The following PKP2 variants were observed in gnomAD, a reference collection of about 807,000 sequenced individuals.
PKP2 encodes the protein plakophilin-2.
PKP2 carries 73 observed loss-of-function variants against 83.4 expected under a neutral mutation model. That is an observed-to-expected ratio of 0.88 (90% CI 0.72 to 1.06). PKP2 has a LOEUF of 1.06. PKP2 is among the 50% of genes least tolerant of loss of function. PKP2 has a pLI of 0.00. For missense variants in PKP2, 966 were observed against 1,065.4 expected, an observed-to-expected ratio of 0.91 and a Z score of 1.30; for synonymous variants, 409 against 430.4, an observed-to-expected ratio of 0.95 and a Z score of 0.62.
At chr12:32,859,940 G>C (rs1472136594) in intron 4 of PKP2, among the ~76,000 whole-genome samples, 1 of 152,174 alleles carries the variant, frequency 6.6e-6, no homozygotes, top group Non-Finnish European at 1.5e-5. Context: ...GTGTAAATTT[G>C]TACAATTTTT....
rs756376477 is a variant in PKP2 at position 32,878,150 on chromosome 12, G to A, written c.730C>T (p.Pro244Ser). The A allele has an allele frequency of 1.2e-6, 2 of 1,614,242 alleles. No individual in the cohort carries two copies. Among genetic ancestry groups the A allele is most frequent in the East Asian group, 4.5e-5 (2 of 44,878 alleles). ...IPANPALLTY[P>S]RPGTSRSMGN... ...ATGCTGCGGCTGGTCCCTGGCCTGGGGTACGTGAGCAGGGCCGGGTTGGCA... is the reference window on the plus strand; with the variant it reads ...ATGCTGCGGCTGGTCCCTGGCCTGGAGTACGTGAGCAGGGCCGGGTTGGCA... Residue 244 changes from proline to serine, a missense_variant, in exon 3 of 13, where the codon CCC becomes TCC. By Grantham distance (74) the Pro-to-Ser change is moderately conservative (BLOSUM62 -1). Coordinates refer to ENST00000340811, the MANE Select transcript of PKP2 (RefSeq NM_001005242.3).
At chr12:32,798,476 C>T (rs1489219602) in intron 10 of PKP2, among the ~76,000 whole-genome samples, 41 of 143,110 alleles carry the variant, frequency 2.9e-4, no homozygotes, top group Admixed American at 2.8e-3. Flanking sequence ...TTGAGTTTGG[C>T]TTTTTTTTTT....
chr12:32,822,472 T>C lies in PKP2; in HGVS notation c.1834A>G (p.Lys612Glu). 1 of 1,613,896 alleles carries C rather than the reference T, an allele frequency of 6.2e-7. No individual in the cohort carries two copies. The highest frequency in any genetic ancestry group is 8.5e-7 in the Non-Finnish European group (1 of 1,179,976). ...TCAAAAACTTCCCAATATACCTCTTTTACTTTCCTGCTTCGACTGCCAAAA... is the reference window on the plus strand; with the variant it reads ...TCAAAAACTTCCCAATATACCTCTTCTACTTTCCTGCTTCGACTGCCAAAA... ...GCFGSRSRKV[K>E]EQYQDVPMPE... Residue 612 changes from lysine to glutamate, a missense_variant, in exon 8 of 13, where the codon AAA becomes GAA. Coordinates refer to ENST00000340811, the MANE Select transcript of PKP2 (RefSeq NM_001005242.3).
intron 1 of PKP2, among the ~76,000 whole-genome samples, chr12:32,887,027 T>G (rs1565602226): frequency 6.6e-6 from 1 of 151,274 alleles, no homozygotes; most frequent in Non-Finnish European, 1.5e-5. Flanking sequence ...AAGGGAACAC[T>G]ATGGTGAAAA....
chr12:32,886,683 A>C (rs1372288387), intron 1 of PKP2, among the ~76,000 whole-genome samples: 1 of 152,186 alleles, frequency 6.6e-6, no homozygotes, highest in Non-Finnish European at 1.5e-5. Context: ...AAATAAGTAG[A>C]ATTTGTTGGT....
intron 11 of PKP2, 121 bp downstream of exon 11, chr12:32,795,988 C>T: frequency 1.1e-6 from 1 of 908,318 alleles, no homozygotes; most frequent in Non-Finnish European, 1.8e-6. Context: ...CCTGGCTTTA[C>T]ATCCTGTTTG....
chr12:32,806,824 T>G (rs1412838036), intron 9 of PKP2, among the ~76,000 whole-genome samples: 1 of 152,152 alleles, frequency 6.6e-6, no homozygotes, highest in Non-Finnish European at 1.5e-5. Context: ...TCTTTCTAGC[T>G]TATTGATCTG....
chr12:32,882,294 C>G (rs980472674), intron 1 of PKP2, among the ~76,000 whole-genome samples: 2 of 152,042 alleles, frequency 1.3e-5, no homozygotes, highest in African/African-American at 4.8e-5. Flanking sequence ...TAGCTGGAAC[C>G]ATTAATTCCT....
chr12:32,836,728 A>G (rs1458305559), intron 6 of PKP2, among the ~76,000 whole-genome samples: 5 of 152,246 alleles, frequency 3.3e-5, no homozygotes, highest in Admixed American at 2.6e-4. Context: ...GATATTCGGT[A>G]ACATTCATGA....
intron 9 of PKP2, among the ~76,000 whole-genome samples, chr12:32,812,643 C>T (rs1206143307): frequency 6.6e-6 from 1 of 152,124 alleles, no homozygotes; most frequent in Non-Finnish European, 1.5e-5. Flanking sequence ...GCTGGGACTA[C>T]AGGCGCCCAC....
rs574053559 is a variant in PKP2, at chr12:32,846,745, C to CAAAAAAAAAAAAAAAAAAAAAAAAAAAAA, written c.1378+4020_1378+4021insTTTTTTTTTTTTTTTTTTTTTTTTTTTTT. 2.2e-3 allele frequency among the ~76,000 whole-genome samples: 163 copies of CAAAAAAAAAAAAAAAAAAAAAAAAAAAAA among 74,782 alleles called. 4 individuals are homozygous for CAAAAAAAAAAAAAAAAAAAAAAAAAAAAA. The highest frequency in any genetic ancestry group is 8.6e-3 in the Middle Eastern group (1 of 116). 49.1% of individuals were successfully genotyped at this position (74,782 alleles called of 152,430 possible). Reference sequence around the variant, plus strand: ...GGGTAACAAGAATGAAACTTCTTCTCAAAAAAAAAAAAAAAAAAGAAGAGA... The same window carrying CAAAAAAAAAAAAAAAAAAAAAAAAAAAAA: ...GGGTAACAAGAATGAAACTTCTTCTCAAAAAAAAAAAAAAAAAAAAAAAAAAAAAAAAAAAAAAAAAAAAAAAGAAGAGA... On this transcript the variant is annotated intron_variant, in intron 5 of 12. Coordinates refer to ENST00000340811, the MANE Select transcript of PKP2 (RefSeq NM_001005242.3).
At position 32,870,592 on chromosome 12, in the gene PKP2, A is replaced by G. The variant is rs1956887427; in HGVS notation, c.1035-1530T>C. Among the ~76,000 whole-genome samples, 4 of 152,170 alleles carry G rather than the reference A, an allele frequency of 2.6e-5. No individual in the cohort carries two copies. In the South Asian group the frequency reaches 8.3e-4, roughly 32 times the overall value. On this transcript the variant is annotated intron_variant, in intron 3 of 12. Transcript: ENST00000340811. ...TTATCTAATATTTTTATCTAATATT[A>G]GAGGATATTACACCTTTTAAAGGAG... is the stretch of plus-strand genomic sequence containing the variant.
intron 5 of PKP2, among the ~76,000 whole-genome samples, chr12:32,847,544 G>A (rs948035130): frequency 6.6e-6 from 1 of 151,880 alleles, no homozygotes; most frequent in Admixed American, 6.6e-5. Context: ...ACACACACAC[G>A]CACGCAAGCA....
rs551986865 is a variant in PKP2 at position 32,799,361 on chromosome 12, T to C, written c.2167+3042A>G. The stretch of plus-strand genomic sequence containing the variant: ...GGAATGTAAACTAGTACAACCACTA[T>C]GGAAAACAGTATAGAGATTCCTTAA... On this transcript the variant is annotated intron_variant, in intron 10 of 12. Coordinates refer to ENST00000340811, the MANE Select transcript of PKP2 (RefSeq NM_001005242.3). Among the ~76,000 whole-genome samples, 8 of 152,322 alleles carry C rather than the reference T, an allele frequency of 5.3e-5. 1 individual carries two copies. The highest frequency in any genetic ancestry group is 1.9e-4 in the African/African-American group (8 of 41,566).
intron 6 of PKP2, among the ~76,000 whole-genome samples, chr12:32,838,237 A>G (rs1289998810): frequency 1.3e-5 from 2 of 152,200 alleles, no homozygotes; most frequent in Non-Finnish European, 2.9e-5. Context: ...AGAAAACCAA[A>G]TATCACATGT....
chr12:32,877,837 G>C lies in PKP2; in HGVS notation c.1034+9C>G, dbSNP rs764902753. On this transcript the variant is annotated intron_variant, in intron 3 of 12. Transcript: ENST00000340811. ...AATGACTGAACTGCAGAGTCAGGAG[G>C]GGACTTACCCCAGCTGGGAGTCAGT... 4 of 1,595,884 alleles carry C rather than the reference G, an allele frequency of 2.5e-6. 1 individual carries two copies. The South Asian group carries it at 4.4e-5, about 18-fold the overall frequency.
chr12:32,889,900 C>T (rs2137988929), intron 1 of PKP2, among the ~76,000 whole-genome samples: 1 of 151,948 alleles, frequency 6.6e-6, no homozygotes, highest in East Asian at 1.9e-4. Context: ...CATGGTGAAA[C>T]TCCATCTCTA....
At chr12:32,832,293 A>G (rs11052272) in intron 6 of PKP2, among the ~76,000 whole-genome samples, 48,888 of 151,858 alleles carry the variant, frequency 0.32, 8,590 homozygotes, top group African/African-American at 0.47. Flanking sequence ...CAGGAGAATT[A>G]CTTGAACCTG....
chr12:32,825,246 G>C (rs1956426168), intron 6 of PKP2, among the ~76,000 whole-genome samples: 1 of 132,796 alleles, frequency 7.5e-6, no homozygotes, highest in Non-Finnish European at 1.5e-5. Flanking sequence ...TCGGCTCACT[G>C]TAACCTCCAC....
Sources: gnomAD v4.1 joint callset for allele counts (sites outside exome capture counted in the v4.1 genomes callset) on GRCh38, gnomAD v4.1.1 for gene constraint, MANE v1.5 for transcripts, NCBI Gene and HGNC (gene_info 2026-07-23, HGNC 2026-07-21) for gene names.